DOK6: variants seen among roughly 807,000 people sequenced by gnomAD.
DOK6 encodes downstream of tyrosine kinase 6.
A neutral mutation model predicts 44.0 loss-of-function variants in DOK6; 22 were observed. The ratio of observed to expected loss-of-function variants is 0.50; its 90% CI spans 0.36 to 0.71. The LOEUF is 0.71. Ranked by LOEUF, DOK6 falls within the 30% of genes least tolerant of loss-of-function variation. The pLI, the probability that DOK6 is intolerant of heterozygous loss-of-function variation, is 0.00. For synonymous variants in DOK6, 166 were observed against 145.5 expected (o/e 1.14, Z -1.01); for missense variants, 340 against 416.4 (o/e 0.82, Z 1.60).
chr18:69,802,795 C>G (rs1433030073), intron 7 of DOK6, among the ~76,000 whole-genome samples: 1 of 152,140 alleles, frequency 6.6e-6, no homozygotes, highest in Non-Finnish European at 1.5e-5. Context: ...TGGCACCATG[C>G]TTGTACAGCC....
chr18:69,492,570 T>A (rs1476411260), intron 1 of DOK6, among the ~76,000 whole-genome samples: 2 of 152,058 alleles, frequency 1.3e-5, no homozygotes, highest in African/African-American at 4.8e-5. Flanking sequence ...TTTTCAATCC[T>A]CACCCTCCAT....
chr18:69,652,370 T>C (rs927741915), intron 3 of DOK6, among the ~76,000 whole-genome samples: 3 of 152,228 alleles, frequency 2.0e-5, no homozygotes, highest in African/African-American at 7.2e-5. Flanking sequence ...ATACGAGATG[T>C]TGACTCACAC....
chr18:69,681,696 C>T (rs1208056589), intron 4 of DOK6, among the ~76,000 whole-genome samples: 1 of 152,130 alleles, frequency 6.6e-6, no homozygotes, highest in African/African-American at 2.4e-5. Context: ...TTAAGATAGC[C>T]TATACTGACC....
chr18:69,772,663 A>G (rs1038315422), intron 7 of DOK6, among the ~76,000 whole-genome samples: 1 of 151,966 alleles, frequency 6.6e-6, no homozygotes, highest in Non-Finnish European at 1.5e-5. Context: ...CAAAAGAATG[A>G]AATTGGACCC....
chr18:69,416,665 A>G (rs1250520857), intron 1 of DOK6, among the ~76,000 whole-genome samples: 1 of 152,106 alleles, frequency 6.6e-6, no homozygotes, highest in Non-Finnish European at 1.5e-5. Flanking sequence ...AGATTGTATG[A>G]CCTATCATCC....
intron 1 of DOK6, among the ~76,000 whole-genome samples, chr18:69,532,289 A>G (rs1018389921): frequency 1.3e-5 from 2 of 152,214 alleles, no homozygotes; most frequent in African/African-American, 4.8e-5. Flanking sequence ...GAAGAGGAGC[A>G]TTTATCAACA....
At chr18:69,570,444 G>A (rs923965162) in intron 2 of DOK6, among the ~76,000 whole-genome samples, 9 of 151,940 alleles carry the variant, frequency 5.9e-5, no homozygotes, top group African/African-American at 9.7e-5. Flanking sequence ...AAGTAAAACC[G>A]CTTCTGGGAC....
At chr18:69,650,250 A>G (rs1985188733) in intron 3 of DOK6, among the ~76,000 whole-genome samples, 1 of 152,220 alleles carries the variant, frequency 6.6e-6, no homozygotes, top group Non-Finnish European at 1.5e-5. Flanking sequence ...GATGCAGGGA[A>G]TACTACTGCT....
At chr18:69,804,957 T>G (rs755164169) in intron 7 of DOK6, among the ~76,000 whole-genome samples, 1 of 152,144 alleles carries the variant, frequency 6.6e-6, no homozygotes, top group Non-Finnish European at 1.5e-5. Flanking sequence ...CGAAGGAATA[T>G]GAACAGGGGA....
At chr18:69,435,002 A>AAGAAGGAAGGAAG (rs1978922109) in intron 1 of DOK6, among the ~76,000 whole-genome samples, 1 of 121,028 alleles carries the variant, frequency 8.3e-6, no homozygotes, top group Admixed American at 8.8e-5. Flanking sequence ...GAAGGAAGGA[A>AAGAAGGAAGGAAG]GAAAGATTAG....
At chr18:69,719,270 G>A (rs964400406) in intron 5 of DOK6, among the ~76,000 whole-genome samples, 1 of 152,188 alleles carries the variant, frequency 6.6e-6, no homozygotes, top group African/African-American at 2.4e-5. Context: ...AAAATCATAG[G>A]AGTATTGAAA....
intron 1 of DOK6, among the ~76,000 whole-genome samples, chr18:69,512,177 C>G (rs1243213953): frequency 2.7e-5 from 4 of 148,122 alleles, no homozygotes; most frequent in Non-Finnish European, 5.9e-5. Context: ...GTCTCCTTGT[C>G]TCGGTACTCC....
At chr18:69,577,974 A>G (rs1983277708) in intron 2 of DOK6, among the ~76,000 whole-genome samples, 1 of 152,190 alleles carries the variant, frequency 6.6e-6, no homozygotes, top group Non-Finnish European at 1.5e-5. Context: ...TCTCCACAGC[A>G]GTTATGATTC....
chr18:69,644,353 G>C (rs903563003), intron 3 of DOK6, among the ~76,000 whole-genome samples: 11 of 151,944 alleles, frequency 7.2e-5, no homozygotes, highest in African/African-American at 2.7e-4. Flanking sequence ...AATTCCTAAA[G>C]GTTTTTTCTT....
intron 2 of DOK6, among the ~76,000 whole-genome samples, chr18:69,584,933 A>T (rs1251505290): frequency 1.3e-5 from 2 of 151,848 alleles, no homozygotes; most frequent in Non-Finnish European, 2.9e-5. Context: ...TTCATCCTGT[A>T]CTTGATTTAT....
intron 1 of DOK6, among the ~76,000 whole-genome samples, chr18:69,557,411 G>T (rs190167934): frequency 5.3e-5 from 8 of 152,274 alleles, no homozygotes; most frequent in Middle Eastern, 3.4e-3. Context: ...CAAGAAATCT[G>T]CCACCTACTT....
At chr18:69,722,443 C>A (rs1366933951) in intron 5 of DOK6, among the ~76,000 whole-genome samples, 2 of 152,190 alleles carry the variant, frequency 1.3e-5, no homozygotes, top group African/African-American at 4.8e-5. Context: ...GAGACAGCTA[C>A]TATATCCTCT....
chr18:69,744,618 AAAC>A (rs1025544358), intron 6 of DOK6, among the ~76,000 whole-genome samples: 6 of 152,220 alleles, frequency 3.9e-5, no homozygotes, highest in Admixed American at 3.3e-4. Context: ...AATTTAGTCT[AAAC>A]AACAACAACA....
chr18:69,506,107 C>T (rs1460175718), intron 1 of DOK6, among the ~76,000 whole-genome samples: 2 of 151,946 alleles, frequency 1.3e-5, no homozygotes, highest in African/African-American at 4.8e-5. Flanking sequence ...TAACATAATA[C>T]TCTTTGGGTT....
Sources: gnomAD v4.1 joint callset for allele counts (sites outside exome capture counted in the v4.1 genomes callset) on GRCh38, gnomAD v4.1.1 for gene constraint, MANE v1.5 for transcripts, NCBI Gene and HGNC (gene_info 2026-07-23, HGNC 2026-07-21) for gene names.